The following BCLAF3 variants were observed in gnomAD, a reference collection of about 807,000 sequenced individuals.
BCLAF3 encodes the protein transient octamer binding factor 1.
In BCLAF3, 24 loss-of-function variants were observed where a neutral mutation model predicts 51.2. The ratio of observed to expected loss-of-function variants is 0.47; its 90% CI spans 0.34 to 0.66. The LOEUF is 0.66. Among genes scored for constraint, BCLAF3 ranks in the 30% least tolerant of loss-of-function variants. The pLI is 0.01. For synonymous variants in BCLAF3, 152 were observed against 176.6 expected (o/e 0.86, Z 1.10); for missense variants, 465 against 525.1 (o/e 0.89, Z 1.12).
intron 6 of BCLAF3, 56 bp from the exon 7 acceptor site, chrX:19,953,107 G>T: frequency 2.2e-6 from 2 of 913,024 alleles, no homozygotes; most frequent in Non-Finnish European, 3.1e-6. Flanking sequence ...CTGATACCCT[G>T]ATTCTACTAT....
rs2069884692 is a variant in BCLAF3, at chrX:19,914,515, A to C, written c.*2790T>G. 1.8e-5 allele frequency: 2 copies of C among 110,914 alleles called. No homozygotes were observed. 9.1% of individuals were successfully genotyped at this position (110,914 alleles called of 1,213,427 possible). On this transcript the variant is annotated 3_prime_UTR_variant, in exon 12 of 12. Transcript: ENST00000379682. ...TATCCCCGTCTTTTTTTTAAAAAAA[A>C]AACTATTCAAAAATGTAGGATTTAT... is the stretch of plus-strand genomic sequence containing the variant.
At chrX:19,921,359 C>G (rs1477213694) in intron 11 of BCLAF3, among the ~76,000 whole-genome samples, 2 of 111,964 alleles carry the variant, frequency 1.8e-5, no homozygotes, top group African/African-American at 6.5e-5. Flanking sequence ...TTTCAATTAG[C>G]AGGGAAAGGA....
intron 1 of BCLAF3, among the ~76,000 whole-genome samples, chrX:19,988,056 C>A (rs886467589): frequency 8.9e-6 from 1 of 112,051 alleles, no homozygotes; most frequent in Non-Finnish European, 1.9e-5. Flanking sequence ...CTTTAGCATA[C>A]TTGAGAATAG....
At chrX:19,959,066 C>A (rs1365815658) in intron 4 of BCLAF3, among the ~76,000 whole-genome samples, 1 of 112,599 alleles carries the variant, frequency 8.9e-6, no homozygotes, top group Non-Finnish European at 1.9e-5. Flanking sequence ...GCATTCTTAC[C>A]TTTCAGTCTC....
At chrX:19,980,874 G>A (rs1350054051) in intron 1 of BCLAF3, among the ~76,000 whole-genome samples, 2 of 108,801 alleles carry the variant, frequency 1.8e-5, no homozygotes, top group African/African-American at 3.4e-5. Context: ...AGGAGGCAGA[G>A]GTTGCAGTGA....
chrX:19,988,018 G>A (rs1223357666), intron 1 of BCLAF3, among the ~76,000 whole-genome samples: 5 of 112,188 alleles, frequency 4.5e-5, no homozygotes, highest in Non-Finnish European at 5.6e-5. Flanking sequence ...CCGGTCACTT[G>A]CTCAGGTGCT....
chrX:19,927,254 G>A (rs2070389751), intron 11 of BCLAF3, among the ~76,000 whole-genome samples: 1 of 110,892 alleles, frequency 9.0e-6, no homozygotes, highest in Non-Finnish European at 1.9e-5. Context: ...ATAAAGAGAT[G>A]GCTTTCCTAA....
chrX:19,969,079 C>A (rs1026672445), intron 2 of BCLAF3, among the ~76,000 whole-genome samples: 4 of 111,658 alleles, frequency 3.6e-5, no homozygotes, highest in Non-Finnish European at 7.5e-5. Flanking sequence ...CGCCATTGCA[C>A]TCCAGCCTGG....
chrX:19,939,529 T>C (rs1473883023), intron 8 of BCLAF3, among the ~76,000 whole-genome samples: 1 of 112,042 alleles, frequency 8.9e-6, no homozygotes, highest in Non-Finnish European at 1.9e-5. Flanking sequence ...ACATCATTAG[T>C]CATTAGAGAA....
chrX:19,967,450 G>C (rs377580762), intron 2 of BCLAF3, among the ~76,000 whole-genome samples: 14 of 111,796 alleles, frequency 1.3e-4, no homozygotes, highest in African/African-American at 4.5e-4. Flanking sequence ...ATGCTCTCCA[G>C]GGACAGCACA....
intron 1 of BCLAF3, among the ~76,000 whole-genome samples, chrX:19,971,689 T>C (rs766755177): frequency 6.3e-5 from 7 of 111,720 alleles, no homozygotes; most frequent in Non-Finnish European, 9.4e-5. Flanking sequence ...ATTAAGTAGT[T>C]CCTAACTTAG....
chrX:19,986,439 G>A (rs776279183), intron 1 of BCLAF3, among the ~76,000 whole-genome samples: 99 of 112,027 alleles, frequency 8.8e-4, no homozygotes, highest in Non-Finnish European at 1.5e-3. Flanking sequence ...GAGACAGTAC[G>A]GCACAAGAAG....
intron 4 of BCLAF3, among the ~76,000 whole-genome samples, chrX:19,959,862 G>C (rs1325230737): frequency 1.8e-5 from 2 of 111,175 alleles, no homozygotes; most frequent in Admixed American, 1.9e-4. Flanking sequence ...GGGCAGTGGC[G>C]TGATCTCGGC....
chrX:19,979,674 A>C (rs2072547336), intron 1 of BCLAF3, among the ~76,000 whole-genome samples: 1 of 111,044 alleles, frequency 9.0e-6, no homozygotes, highest in Non-Finnish European at 1.9e-5. Flanking sequence ...CTTGAATCAG[A>C]AATTCACAAA....
intron 1 of BCLAF3, among the ~76,000 whole-genome samples, chrX:19,983,767 G>A (rs2072701010): frequency 9.5e-6 from 1 of 104,773 alleles, no homozygotes; most frequent in Non-Finnish European, 2.0e-5. Flanking sequence ...GAGGCAAATG[G>A]AAACAAAAGG....
chrX:19,931,850 C>T (rs1462665275), intron 10 of BCLAF3, among the ~76,000 whole-genome samples: 3 of 112,207 alleles, frequency 2.7e-5, no homozygotes, highest in Non-Finnish European at 3.8e-5. Flanking sequence ...CATAGCTACT[C>T]CTGATTTTGC....
intron 11 of BCLAF3, among the ~76,000 whole-genome samples, chrX:19,925,121 C>T (rs977483863): frequency 9.0e-5 from 10 of 111,520 alleles, no homozygotes; most frequent in African/African-American, 2.6e-4. Context: ...ACTTTGTAGG[C>T]AGCTGGAGAG....
intron 1 of BCLAF3, among the ~76,000 whole-genome samples, chrX:19,975,495 C>T (rs978296397): frequency 4.5e-5 from 5 of 110,511 alleles, no homozygotes; most frequent in African/African-American, 1.6e-4. Context: ...AGGTGTGCGC[C>T]ACCACACCCG....
At chrX:19,972,766 T>C (rs938698533) in intron 1 of BCLAF3, among the ~76,000 whole-genome samples, 2 of 112,070 alleles carry the variant, frequency 1.8e-5, no homozygotes, top group African/African-American at 6.5e-5. Flanking sequence ...TCACTTAGCA[T>C]GTTTTCAAGG....
Sources: allele counts gnomAD v4.1 joint callset (sites outside exome capture counted in the v4.1 genomes callset), GRCh38; gene constraint gnomAD v4.1.1; transcripts MANE v1.5; gene names NCBI Gene and HGNC (gene_info 2026-07-23, HGNC 2026-07-21).